The following CASZ1 variants were observed in gnomAD, a reference collection of about 807,000 sequenced individuals.
CASZ1 encodes the protein zinc finger protein castor homolog 1.
A neutral mutation model predicts 135.2 loss-of-function variants in CASZ1; 28 were observed. The observed-to-expected ratio is 0.21, with a 90% CI of 0.15 to 0.28. CASZ1 has a LOEUF of 0.28. Among genes scored for constraint, CASZ1 ranks in the 10% least tolerant of loss-of-function variants. The pLI is 1.00. For synonymous variants in CASZ1, 1,068 were observed against 1,073.4 expected (o/e 0.99, Z 0.10); for missense variants, 2,161 against 2,453.3 (o/e 0.88, Z 2.52).
chr1:10,716,336 C>T (rs576284278), intron 2 of CASZ1, among the ~76,000 whole-genome samples: 7 of 152,368 alleles, frequency 4.6e-5, no homozygotes, highest in South Asian at 2.1e-4. Context: ...CGGGTAGACC[C>T]GGAGTGCTGA....
chr1:10,789,754 G>GAA (rs138082136), intron 1 of CASZ1, among the ~76,000 whole-genome samples: 2 of 150,740 alleles, frequency 1.3e-5, no homozygotes, highest in Non-Finnish European at 3.0e-5. Context: ...TTCCAAGTAA[G>GAA]AAAAAAAAAC....
chr1:10,660,550 TG>T lies in CASZ1; in HGVS notation c.506-15del. On this transcript the variant is annotated splice_polypyrimidine_tract_variant and intron_variant, in intron 5 of 20. Transcript: ENST00000377022. ...AGGAGGCCTCTCCTGCAGAGGAGGA[TG>T]GGGGCGCATCACCTCTGGGAGGGAG... The T allele has an allele frequency of 6.2e-7, 1 of 1,602,170 alleles. No individual in the cohort carries two copies.
At position 10,656,687 on chromosome 1, in the gene CASZ1, G is replaced by A. The variant is rs762200135; in HGVS notation, c.1459C>T (p.Arg487Cys). 3.1e-6 allele frequency: 5 copies of A among 1,603,860 alleles called. No homozygotes were observed. The highest frequency in any genetic ancestry group is 3.4e-6 in the Non-Finnish European group (4 of 1,176,150). ...GGGTCAAGGCAGTGGTAGTGCTCGC[G>A]GTACTGGTAGGCACAGTGGATGTGG... Reference protein sequence around the residue: ...CGHIHCAYQYREHYHCLDPEC... With the variant: ...CGHIHCAYQYCEHYHCLDPEC... The change falls in exon 8 of 21, where the codon CGC (arginine) becomes TGC (cysteine). Residue 487 changes from arginine to cysteine, a missense_variant. Transcript: ENST00000377022.
intron 4 of CASZ1, among the ~76,000 whole-genome samples, chr1:10,677,922 G>T (rs1049920404): frequency 6.6e-6 from 1 of 152,224 alleles, no homozygotes; most frequent in Non-Finnish European, 1.5e-5. Context: ...AGGCTCCCCC[G>T]TTCTCCAGGG....
chr1:10,639,068 G>T lies in CASZ1; in HGVS notation c.5154C>A (p.Asp1718Glu), dbSNP rs201658768. The change falls in exon 21 of 21, where the codon GAC becomes GAA. Residue 1718 changes from aspartate to glutamate, a missense_variant. This residue lies in a region of CASZ1 where 185 missense variants were observed against 134.7 expected (regional missense o/e 1.37). Coordinates refer to ENST00000377022, the MANE Select transcript of CASZ1 (RefSeq NM_001079843.3). This position sits in a 1 kb window ranked among gnomAD's most constrained non-coding sequence, Gnocchi z 4.0. ...CCGCCTCGGGCAGCGACTCCTCCGA[G>T]TCGGTGCGCAGGTCCTCGTCGTCGT... ...EDDDDEDLRTDSEESLPEAAA... is the reference protein window; with the variant it reads ...EDDDDEDLRTESEESLPEAAA... 158 of 1,129,118 alleles carry T rather than the reference G, an allele frequency of 1.4e-4. 3 individuals carry two copies. The highest frequency in any genetic ancestry group is 2.0e-5 in the Non-Finnish European group (18 of 900,100). 69.9% of individuals were successfully genotyped at this position (1,129,118 alleles called of 1,614,324 possible).
In CASZ1 at chr1:10,711,644, C is replaced by G. The variant is rs1182298916; in HGVS notation, c.-76-6100G>C. Among the ~76,000 whole-genome samples, 1 of 151,258 alleles carries G rather than the reference C, an allele frequency of 6.6e-6. No homozygotes were observed. The highest frequency in any genetic ancestry group is 2.1e-4 in the South Asian group (1 of 4,790). ...TTGTGCATGAATGTTCATAGCAGCA[C>G]TATTCACAGTAGTCAGATGGTAGAT... On this transcript the variant is annotated intron_variant, in intron 2 of 20. Coordinates refer to ENST00000377022, the MANE Select transcript of CASZ1 (RefSeq NM_001079843.3). The surrounding 1 kb of genome is among the most constrained non-coding windows in gnomAD (Gnocchi z 4.4).
chr1:10,752,754 G>A (rs1055759014), intron 2 of CASZ1, among the ~76,000 whole-genome samples: 2 of 152,236 alleles, frequency 1.3e-5, no homozygotes, highest in African/African-American at 4.8e-5. Context: ...CAATGAATAC[G>A]GCCAGGTGCC....
At chr1:10,672,484 C>T (rs908266372) in intron 4 of CASZ1, among the ~76,000 whole-genome samples, 10 of 150,146 alleles carry the variant, frequency 6.7e-5, no homozygotes, top group African/African-American at 1.7e-4. Context: ...CTCCGCCCGC[C>T]GGCCCGCCCC....
chr1:10,746,090 C>A lies in CASZ1; in HGVS notation c.-77+14611G>T, dbSNP rs1210710901. Reference sequence around the variant, plus strand: ...GGGACAGAGTCAACAGATGACCTGCCTGTCGTCATCATAGAGTGGCCTCGA... The same window carrying A: ...GGGACAGAGTCAACAGATGACCTGCATGTCGTCATCATAGAGTGGCCTCGA... On this transcript the variant is annotated intron_variant, in intron 2 of 20. Coordinates refer to ENST00000377022, the MANE Select transcript of CASZ1 (RefSeq NM_001079843.3). Among the ~76,000 whole-genome samples, 6 of 152,238 alleles carry A rather than the reference C, an allele frequency of 3.9e-5. No homozygotes were observed. In the East Asian group the frequency reaches 1.2e-3, roughly 29 times the overall value.
Position 10,639,696 on chromosome 1 carries a change from G to A in CASZ1, c.4526C>T (p.Ser1509Leu). The A allele has an allele frequency of 1.3e-6, 2 of 1,596,874 alleles. No homozygotes were observed. The highest frequency in any genetic ancestry group is 8.5e-7 in the Non-Finnish European group (1 of 1,173,056). ...LSCHFADCPF[S>L]GTSTHFHCLR... ...GCAGTGGAAGTGCGTGCTGGTGCCCGAGAAGGGGCAGTCGGCGAAGTGGCA... is the reference window on the plus strand; with the variant it reads ...GCAGTGGAAGTGCGTGCTGGTGCCCAAGAAGGGGCAGTCGGCGAAGTGGCA... The change falls in exon 21 of 21, where the codon TCG becomes TTG. Residue 1509 changes from serine to leucine, a missense_variant. Physicochemically the swap from Ser to Leu is moderately radical, Grantham distance 145. This residue lies in a region of CASZ1 where 240 missense variants were observed against 321.4 expected (regional missense o/e 0.75). Coordinates refer to ENST00000377022, the MANE Select transcript of CASZ1 (RefSeq NM_001079843.3). This position sits in a 1 kb window ranked among gnomAD's most constrained non-coding sequence, Gnocchi z 4.0.
rs984216640 is a variant in CASZ1 at position 10,724,064 on chromosome 1, G to A, written c.-76-18520C>T. 4.6e-5 allele frequency among the ~76,000 whole-genome samples: 7 copies of A among 152,174 alleles called. No individual in the cohort carries two copies. Among genetic ancestry groups the A allele is most frequent in the African/African-American group, 1.4e-4 (6 of 41,436 alleles). Reference sequence around the variant, plus strand: ...GAGGACAAGTCCAGTTTTCCAAACCGACCTTGGAGCTCTTTGACCACAGCA... The same window carrying A: ...GAGGACAAGTCCAGTTTTCCAAACCAACCTTGGAGCTCTTTGACCACAGCA... On this transcript the variant is annotated intron_variant, in intron 2 of 20. Transcript: ENST00000377022. The surrounding 1 kb of genome is among the most constrained non-coding windows in gnomAD (Gnocchi z 4.1).
chr1:10,705,326 C>T (rs12567505), intron 3 of CASZ1, among the ~76,000 whole-genome samples, 166 bp downstream of exon 3: 17,482 of 152,214 alleles, frequency 0.11, 1,278 homozygotes, highest in East Asian at 0.34. Context: ...CATCTTTTCC[C>T]ATCAGGGCGG....
intron 1 of CASZ1, among the ~76,000 whole-genome samples, chr1:10,771,568 A>T (rs1368349333): frequency 6.6e-6 from 1 of 152,180 alleles, no homozygotes; most frequent in Non-Finnish European, 1.5e-5. Context: ...TATTTTAATT[A>T]GCGACTTATT....
intron 5 of CASZ1, among the ~76,000 whole-genome samples, chr1:10,664,816 C>T (rs2100288049): frequency 6.6e-6 from 1 of 151,514 alleles, no homozygotes; most frequent in Middle Eastern, 3.4e-3. Context: ...CTATCCCTCC[C>T]TCCCTCCCTC....
intron 1 of CASZ1, among the ~76,000 whole-genome samples, chr1:10,771,644 T>A (rs895322436): frequency 6.8e-6 from 1 of 146,286 alleles, no homozygotes; most frequent in Admixed American, 7.0e-5. Flanking sequence ...TCTAATGAAT[T>A]AATTTCACCT....
At position 10,639,515 on chromosome 1, in the gene CASZ1, C is replaced by T. The variant is rs558077733; in HGVS notation, c.4707G>A (p.Ser1569=). The T allele has an allele frequency of 5.6e-6, 9 of 1,611,830 alleles. No homozygotes were observed. In the South Asian group the frequency reaches 7.7e-5, roughly 14 times the overall value. ...VPDCKYKLKC[S]HFHCTFPGCR... ...AGCCCGGGAAGGTGCAGTGGAAGTG[C>T]GAGCACTTGAGCTTGTACTTGCAGT... is the stretch of plus-strand genomic sequence containing the variant. Residue 1569 remains serine, a synonymous_variant, in exon 21 of 21, where the codon TCG becomes TCA. Coordinates refer to ENST00000377022, the MANE Select transcript of CASZ1 (RefSeq NM_001079843.3). This position sits in a 1 kb window ranked among gnomAD's most constrained non-coding sequence, Gnocchi z 4.0.
At chr1:10,693,375 C>A (rs568013803) in intron 4 of CASZ1, among the ~76,000 whole-genome samples, 8 of 151,880 alleles carry the variant, frequency 5.3e-5, no homozygotes, top group Admixed American at 5.2e-4. Flanking sequence ...GAGACAGTCG[C>A]CCCGAAACCA....
intron 2 of CASZ1, among the ~76,000 whole-genome samples, chr1:10,708,967 GGGGA>G (rs765821438): frequency 0.031 from 3,338 of 108,870 alleles, 138 homozygotes; most frequent in African/African-American, 0.11. Flanking sequence ...GATGGAGGAC[GGGGA>G]GGGGGGGGGC....
rs376531853 is a variant in CASZ1 at position 10,714,132 on chromosome 1, C to A, written c.-76-8588G>T. ...GACCAGCCTGGCCAACATGGTGAAACCCCGTCTCTATGAAAAATACAAAAA... is the reference window on the plus strand; with the variant it reads ...GACCAGCCTGGCCAACATGGTGAAAACCCGTCTCTATGAAAAATACAAAAA... On this transcript the variant is annotated intron_variant, in intron 2 of 20. Transcript: ENST00000377022. Among the ~76,000 whole-genome samples, 22 of 152,238 alleles carry A rather than the reference C, an allele frequency of 1.4e-4. No homozygotes were observed. The East Asian group carries it at 3.9e-3, about 27-fold the overall frequency.
Sources: gnomAD v4.1 joint callset for allele counts (sites outside exome capture counted in the v4.1 genomes callset) on GRCh38, gnomAD v4.1.1 for gene constraint, gnomAD v4.1.1 regional missense constraint, Gnocchi (gnomAD v3.1) non-coding constraint, MANE v1.5 for transcripts, NCBI Gene and HGNC (gene_info 2026-07-23, HGNC 2026-07-21) for gene names.